PLXNC1: variants seen among roughly 807,000 people sequenced by gnomAD.
The protein encoded by PLXNC1 is plexin C1.
A neutral mutation model predicts 178.2 loss-of-function variants in PLXNC1; 75 were observed. That is an observed-to-expected ratio of 0.42 (90% CI 0.35 to 0.51). The LOEUF is 0.51. Ranked by LOEUF, PLXNC1 falls within the 20% of genes least tolerant of loss-of-function variation. The probability of loss-of-function intolerance (pLI) is 0.02; values close to 1 mark genes in which losing one functional copy is unlikely to be tolerated. For missense variants in PLXNC1, 1,503 were observed against 1,984.4 expected (o/e 0.76, Z 4.61); for synonymous variants, 790 against 779.9 (o/e 1.01, Z -0.22).
chr12:94,274,636 C>A (rs1186298097), intron 21 of PLXNC1, among the ~76,000 whole-genome samples: 1 of 152,224 alleles, frequency 6.6e-6, no homozygotes, highest in Admixed American at 6.5e-5. Flanking sequence ...TTTCACAGCT[C>A]TTTAGCCTTT....
At chr12:94,219,949 T>G in intron 5 of PLXNC1, 67 bp from the exon 6 acceptor site, 225 of 1,458,646 alleles carry the variant, frequency 1.5e-4, no homozygotes, top group Non-Finnish European at 2.0e-4. Flanking sequence ...TGAGATCATA[T>G]GAGGCTCTAT....
At chr12:94,179,086 G>C (rs751696863) in intron 2 of PLXNC1, among the ~76,000 whole-genome samples, 1 of 152,158 alleles carries the variant, frequency 6.6e-6, no homozygotes, top group Non-Finnish European at 1.5e-5. Context: ...AGCTAGACTC[G>C]GGCCCAGGTC....
chr12:94,155,051 C>G (rs775191659), intron 1 of PLXNC1, among the ~76,000 whole-genome samples: 1 of 152,184 alleles, frequency 6.6e-6, no homozygotes, highest in Non-Finnish European at 1.5e-5. Context: ...TGTCAGGGCC[C>G]CTTCCTTCCT....
chr12:94,292,559 A>T (rs1416412282), intron 23 of PLXNC1, among the ~76,000 whole-genome samples: 1 of 152,244 alleles, frequency 6.6e-6, no homozygotes, highest in East Asian at 1.9e-4. Context: ...AAATGCTTGG[A>T]ACCACAAGTA....
chr12:94,171,164 G>T (rs1007907042), intron 2 of PLXNC1, among the ~76,000 whole-genome samples: 30 of 152,208 alleles, frequency 2.0e-4, no homozygotes, highest in Admixed American at 5.2e-4. Flanking sequence ...CCAGCAGCCT[G>T]CATGCCGCTG....
chr12:94,303,177 C>A (rs547965173), intron 28 of PLXNC1, among the ~76,000 whole-genome samples: 1 of 152,294 alleles, frequency 6.6e-6, no homozygotes, highest in South Asian at 2.1e-4. Flanking sequence ...AGAACCTCTG[C>A]AAAATCACAC....
chr12:94,249,398 A>C (rs954105149), intron 14 of PLXNC1, among the ~76,000 whole-genome samples: 1 of 152,020 alleles, frequency 6.6e-6, no homozygotes, highest in Non-Finnish European at 1.5e-5. Flanking sequence ...ACACCTGGCT[A>C]GTTTTTTCTA....
chr12:94,210,382 T>C (rs1227765977), intron 5 of PLXNC1, among the ~76,000 whole-genome samples: 1 of 152,214 alleles, frequency 6.6e-6, no homozygotes, highest in Non-Finnish European at 1.5e-5. Flanking sequence ...AGGGAATTCC[T>C]GCCTTGCAGT....
At chr12:94,227,315 C>G (rs1413032231) in intron 9 of PLXNC1, 80 bp downstream of exon 9, 1 of 795,104 alleles carries the variant, frequency 1.3e-6, no homozygotes, top group African/African-American at 1.7e-5. Context: ...ACTTTGGGTT[C>G]CTTAAAAAAA....
At position 94,252,345 on chromosome 12, in the gene PLXNC1, G is replaced by A. The variant is rs371565572; in HGVS notation, c.2881+817G>A. Among the ~76,000 whole-genome samples, 70 of 152,236 alleles carry A rather than the reference G, an allele frequency of 4.6e-4. 1 individual carries two copies. The highest frequency in any genetic ancestry group is 3.4e-3 in the Middle Eastern group (1 of 294). ...CTTTGGGAGGCCAAGGAGGGAGGAC[G>A]GCATAAGTCCAGGAGTTTGAGGTTA... is the stretch of plus-strand genomic sequence containing the variant. On this transcript the variant is annotated intron_variant, in intron 15 of 30. Coordinates refer to ENST00000258526, the MANE Select transcript of PLXNC1 (RefSeq NM_005761.3).
chr12:94,279,619 T>C lies in PLXNC1; in HGVS notation c.3745T>C (p.Tyr1249His). The C allele has an allele frequency of 6.2e-7, 1 of 1,614,240 alleles. No individual in the cohort carries two copies. The highest frequency in any genetic ancestry group is 8.5e-7 in the Non-Finnish European group (1 of 1,180,042). ...QAFLSKNGSP[Y>H]GLQLNEIGLE... is the part of the protein sequence containing the mutation. ...ATTCTTAAGCAAAAATGGCTCTCCT[T>C]ATGGACTTCAGCTTAATGAAATTGG... Residue 1249 changes from tyrosine (Y) to histidine (H), a missense_variant, in exon 22 of 31, where the codon TAT (tyrosine) becomes CAT (histidine). By Grantham distance (83) the Tyr-to-His change is moderately conservative. Transcript: ENST00000258526.
rs370424693 is a variant in PLXNC1, at chr12:94,243,292, G to T, written c.2301-646G>T. ...GTGTCTGGTGACCTACGTGAACAGG[G>T]GTGCAAGGGCAGACAGAGCTGTGGA... On this transcript the variant is annotated intron_variant, in intron 11 of 30. Coordinates refer to ENST00000258526, the MANE Select transcript of PLXNC1 (RefSeq NM_005761.3). Among the ~76,000 whole-genome samples, 11 of 152,338 alleles carry T rather than the reference G, an allele frequency of 7.2e-5. 2 individuals are homozygous for T. The highest frequency in any genetic ancestry group is 2.4e-4 in the African/African-American group (10 of 41,578).
chr12:94,223,799 T>G (rs1369655647), intron 6 of PLXNC1, among the ~76,000 whole-genome samples: 1 of 152,186 alleles, frequency 6.6e-6, no homozygotes, highest in Non-Finnish European at 1.5e-5. Flanking sequence ...AGGTAAATAT[T>G]TGCAGCGTGG....
rs1968979463 is a variant in PLXNC1 at position 94,306,117 on chromosome 12, C to T, written c.*832C>T. On this transcript the variant is annotated 3_prime_UTR_variant, in exon 31 of 31. Coordinates refer to ENST00000258526, the MANE Select transcript of PLXNC1 (RefSeq NM_005761.3). ...CATTAATTCATTTCTGTTCCAAAAC[C>T]TTTGATCAGAACGATCTGTGGAAGA... 1 of 151,830 alleles carries T rather than the reference C, an allele frequency of 6.6e-6. No homozygotes were observed. The highest frequency in any genetic ancestry group is 2.1e-4 in the South Asian group (1 of 4,822). 9.4% of individuals were successfully genotyped at this position (151,830 alleles called of 1,614,324 possible).
chr12:94,293,279 C>T (rs1967551602), intron 23 of PLXNC1, among the ~76,000 whole-genome samples: 1 of 152,126 alleles, frequency 6.6e-6, no homozygotes, highest in Non-Finnish European at 1.5e-5. Flanking sequence ...CAAATCGCTC[C>T]CTATCAGGAT....
intron 27 of PLXNC1, among the ~76,000 whole-genome samples, chr12:94,299,529 A>G (rs943508721): frequency 1.3e-5 from 2 of 151,894 alleles, no homozygotes. Flanking sequence ...CCAATTCTCT[A>G]CGCTGGCTTG....
chr12:94,160,573 T>A (rs1381900248), intron 1 of PLXNC1, among the ~76,000 whole-genome samples: 1 of 152,076 alleles, frequency 6.6e-6, no homozygotes, highest in South Asian at 2.1e-4. Flanking sequence ...TTTTAAAAAT[T>A]GGATTCCGAG....
At chr12:94,220,371 G>A (rs1963760721) in intron 6 of PLXNC1, among the ~76,000 whole-genome samples, 1 of 152,116 alleles carries the variant, frequency 6.6e-6, no homozygotes, top group Admixed American at 6.5e-5. Flanking sequence ...AGATATGCCT[G>A]GACAATGACA....
intron 7 of PLXNC1, 182 bp from the exon 8 acceptor site, chr12:94,226,423 C>G (rs113568325): frequency 1.9e-6 from 1 of 535,904 alleles, no homozygotes; most frequent in Non-Finnish European, 3.4e-6. Flanking sequence ...GGTGCCATTC[C>G]GGCCCATCAA....
Sources: gnomAD v4.1 joint callset for allele counts (sites outside exome capture counted in the v4.1 genomes callset) on GRCh38, gnomAD v4.1.1 for gene constraint, MANE v1.5 for transcripts, NCBI Gene and HGNC (gene_info 2026-07-23, HGNC 2026-07-21) for gene names.